Variants in KANK1 observed in about 807,000 individuals in gnomAD.
The protein encoded by KANK1 is KN motif and ankyrin repeat domains 1, also known as KN motif and ankyrin repeat domain-containing protein 1.
A neutral mutation model predicts 106.2 loss-of-function variants in KANK1; 109 were observed. That is an observed-to-expected ratio of 1.03 (90% CI 0.88 to 1.20). KANK1 has a LOEUF of 1.20. Ranked by LOEUF, KANK1 falls within the 50% of genes most tolerant of loss-of-function variation. The pLI is 0.00. For synonymous variants in KANK1, 873 were observed against 652.2 expected, an observed-to-expected ratio of 1.34 and a Z score of -5.16; for missense variants, 2,399 against 1,710.7, an observed-to-expected ratio of 1.40 and a Z score of -7.10.
intron 1 of KANK1, among the ~76,000 whole-genome samples, chr9:577,842 CTTT>C (rs991657523): frequency 1.3e-5 from 2 of 152,162 alleles, no homozygotes; most frequent in Non-Finnish European, 2.9e-5. Context: ...TAAAATTGTA[CTTT>C]TTATTATAAT....
At chr9:558,414 A>G (rs141820035) in intron 1 of KANK1, among the ~76,000 whole-genome samples, 22 of 152,356 alleles carry the variant, frequency 1.4e-4, no homozygotes, top group East Asian at 9.6e-4. Flanking sequence ...GCCTCTGGTT[A>G]TAACGATTTT....
intron 1 of KANK1, chr9:549,613 C>T (rs1325865820): frequency 1.3e-5 from 2 of 152,280 alleles, no homozygotes; most frequent in East Asian, 1.9e-4. Flanking sequence ...AGCAGCCTGG[C>T]TTCCACCGGC....
chr9:647,802 C>T lies in KANK1; in HGVS notation c.-83-29088C>T, dbSNP rs144072313. On this transcript the variant is annotated intron_variant, in intron 1 of 11. Transcript: ENST00000382297. ...CTCACACTTATATATAGCAGAGATA[C>T]GAAATAGCCCGCAATCCCAGATCTT... Among the ~76,000 whole-genome samples the T allele has an allele frequency of 1.1e-3, 159 of 150,476 alleles. 4 individuals are homozygous for T. In the East Asian group the frequency reaches 0.025, roughly 24 times the overall value.
At chr9:625,929 C>A (rs1042452917) in intron 1 of KANK1, among the ~76,000 whole-genome samples, 2 of 152,154 alleles carry the variant, frequency 1.3e-5, no homozygotes, top group African/African-American at 2.4e-5. Context: ...TCCTGAGCCT[C>A]TTATTCCCAC....
chr9:623,646 T>C (rs1833701606), intron 1 of KANK1, among the ~76,000 whole-genome samples: 1 of 151,400 alleles, frequency 6.6e-6, no homozygotes, highest in African/African-American at 2.4e-5. Context: ...AAAATGGTGC[T>C]TGACATCACT....
intron 2 of KANK1, among the ~76,000 whole-genome samples, chr9:697,942 A>G (rs1821717138): frequency 6.6e-6 from 1 of 152,182 alleles, no homozygotes; most frequent in Non-Finnish European, 1.5e-5. Context: ...GGTTACCTGC[A>G]ACAAGATCTG....
intron 3 of KANK1, among the ~76,000 whole-genome samples, chr9:715,155 T>A (rs1343290977): frequency 6.6e-6 from 1 of 152,126 alleles, no homozygotes; most frequent in Admixed American, 6.6e-5. Context: ...AAGAAAAAAA[T>A]GAATATGACA....
At chr9:588,873 CAGTAATTGTTGGCCTACT>C (rs1296660305) in intron 1 of KANK1, among the ~76,000 whole-genome samples, 1 of 152,124 alleles carries the variant, frequency 6.6e-6, no homozygotes, top group Admixed American at 6.5e-5. Context: ...GGTATGTGTT[CAGTAATTGTTGGCCTACT>C]AGTATTGTCT....
At chr9:608,880 A>G (rs942625556) in intron 1 of KANK1, among the ~76,000 whole-genome samples, 2 of 152,204 alleles carry the variant, frequency 1.3e-5, no homozygotes, top group African/African-American at 2.4e-5. Flanking sequence ...GGTGACATGC[A>G]TAATAGATGC....
intron 1 of KANK1, among the ~76,000 whole-genome samples, chr9:517,868 A>G (rs1287354898): frequency 2.7e-5 from 4 of 150,758 alleles, no homozygotes; most frequent in African/African-American, 4.9e-5. Context: ...CCTCCCAAGT[A>G]GCTGGAATTA....
intron 2 of KANK1, chr9:684,345 A>T (rs1818137911): frequency 1.0e-6 from 1 of 985,310 alleles, no homozygotes; most frequent in East Asian, 1.1e-4. Context: ...TGGGCAAAGA[A>T]ACCCTTTGGT....
chr9:676,840 G>T, intron 1 of KANK1, 50 bp from the exon 2 acceptor site: 1 of 686,208 alleles, frequency 1.5e-6, no homozygotes. Flanking sequence ...GATTTAGTTT[G>T]TACATTTTTT....
intron 3 of KANK1, among the ~76,000 whole-genome samples, chr9:489,797 T>C (rs2058348777): frequency 6.6e-6 from 1 of 152,232 alleles, no homozygotes; most frequent in East Asian, 1.9e-4. Context: ...GAGACTGTTA[T>C]TGGCAATACT....
intron 3 of KANK1, among the ~76,000 whole-genome samples, chr9:718,543 C>G (rs1213783133): frequency 1.3e-5 from 2 of 152,044 alleles, no homozygotes; most frequent in Non-Finnish European, 2.9e-5. Flanking sequence ...CTTTTGGGCT[C>G]AAGCAATTCG....
chr9:720,493 A>C (rs1829012536), intron 3 of KANK1, among the ~76,000 whole-genome samples: 5 of 152,154 alleles, frequency 3.3e-5, no homozygotes. Context: ...ACAGACACTT[A>C]CCACCATGCC....
At chr9:657,526 C>G (rs1438692085) in intron 1 of KANK1, among the ~76,000 whole-genome samples, 2 of 152,124 alleles carry the variant, frequency 1.3e-5, no homozygotes, top group East Asian at 3.9e-4. Context: ...AGTTTCTCTA[C>G]ATGCTACCGA....
chr9:523,504 C>A lies in KANK1; in HGVS notation c.-84+18750C>A, dbSNP rs77420486. On this transcript the variant is annotated intron_variant, in intron 1 of 11. Transcript: ENST00000382297. ...TAAAAACAAAAGTCACATTGTGGCA[C>A]TGCGTAGACTCTCTGTTGGCTCCTT... Among the ~76,000 whole-genome samples the A allele has an allele frequency of 0.014, 2,057 of 151,902 alleles. 104 individuals carry two copies. The East Asian group carries it at 0.17, about 13-fold the overall frequency.
chr9:544,231 G>T (rs1481776457), intron 1 of KANK1, among the ~76,000 whole-genome samples: 5 of 151,872 alleles, frequency 3.3e-5, no homozygotes, highest in African/African-American at 9.7e-5. Flanking sequence ...ATGTTGCCCA[G>T]ACTGGTCTCG....
At chr9:710,649 C>G (rs1200497773) in intron 2 of KANK1, among the ~76,000 whole-genome samples, 155 bp from the exon 3 acceptor site, 3 of 130,934 alleles carry the variant, frequency 2.3e-5, no homozygotes, top group Non-Finnish European at 4.9e-5. Flanking sequence ...ACAAAAAAAA[C>G]TTGCTTACCC....
Sources: allele counts gnomAD v4.1 joint callset (sites outside exome capture counted in the v4.1 genomes callset), GRCh38; gene constraint gnomAD v4.1.1; transcripts MANE v1.5; gene names NCBI Gene and HGNC (gene_info 2026-07-23, HGNC 2026-07-21).